The following CLVS1 variants were observed in gnomAD, a reference collection of about 807,000 sequenced individuals.
The protein encoded by CLVS1 is clavesin 1.
CLVS1 carries 10 observed loss-of-function variants against 33.1 expected under a neutral mutation model. The ratio of observed to expected loss-of-function variants is 0.30; its 90% CI spans 0.19 to 0.51. The LOEUF is 0.51. Ranked by LOEUF, CLVS1 falls within the 20% of genes least tolerant of loss-of-function variation. The probability of loss-of-function intolerance (pLI) is 0.97; values close to 1 mark genes in which losing one functional copy is unlikely to be tolerated. For missense variants in CLVS1, 343 were observed against 433.4 expected (o/e 0.79, Z 1.85); for synonymous variants, 163 against 166.1 (o/e 0.98, Z 0.14).
At chr8:61,425,658 A>G (rs540032984) in intron 3 of CLVS1, among the ~76,000 whole-genome samples, 8 of 152,180 alleles carry the variant, frequency 5.3e-5, no homozygotes, top group Admixed American at 2.6e-4. Flanking sequence ...TGGGAAAATT[A>G]TCTTAAAGGC....
At chr8:61,093,190 A>G (rs1327706533) in intron 1 of CLVS1, among the ~76,000 whole-genome samples, 4 of 152,204 alleles carry the variant, frequency 2.6e-5, no homozygotes, top group African/African-American at 9.7e-5. Context: ...TATGATGTAT[A>G]CCAATATAAT....
intron 2 of CLVS1, among the ~76,000 whole-genome samples, chr8:61,232,891 A>C (rs2129312435): frequency 6.6e-6 from 1 of 152,070 alleles, no homozygotes; most frequent in South Asian, 2.1e-4. Context: ...CATCTCTTTA[A>C]CTCCTCATTG....
intron 3 of CLVS1, among the ~76,000 whole-genome samples, chr8:61,452,351 C>T (rs1221976322): frequency 6.6e-6 from 1 of 152,318 alleles, no homozygotes; most frequent in South Asian, 2.1e-4. Context: ...TTATTGGTCC[C>T]ATTAAAAAGA....
chr8:61,376,237 C>T (rs1454861587), intron 2 of CLVS1, among the ~76,000 whole-genome samples: 11 of 152,256 alleles, frequency 7.2e-5, no homozygotes, highest in South Asian at 2.1e-4. Context: ...ATGATTATGG[C>T]GCAATCCCTA....
intron 1 of CLVS1, among the ~76,000 whole-genome samples, chr8:61,070,382 G>A (rs1210229719): frequency 6.6e-6 from 1 of 152,238 alleles, no homozygotes; most frequent in East Asian, 1.9e-4. Flanking sequence ...GTGATTTTAT[G>A]AAAGTTATCC....
chr8:61,049,241 T>C, the CLVS1 span, among the ~76,000 whole-genome samples: 1 of 152,194 alleles, frequency 6.6e-6, no homozygotes, highest in Non-Finnish European at 1.5e-5. Flanking sequence ...TTTCACAGGC[T>C]GGAGCTTGTC....
At chr8:61,258,554 G>T (rs1809133636) in intron 2 of CLVS1, among the ~76,000 whole-genome samples, 1 of 152,192 alleles carries the variant, frequency 6.6e-6, no homozygotes. Flanking sequence ...CAAAGTGCAA[G>T]TTAGTTGCAC....
chr8:61,401,526 A>T (rs1259298663), intron 3 of CLVS1, among the ~76,000 whole-genome samples: 1 of 152,170 alleles, frequency 6.6e-6, no homozygotes, highest in African/African-American at 2.4e-5. Context: ...CTTCAAGGTG[A>T]ACTACAAACC....
the CLVS1 span, among the ~76,000 whole-genome samples, chr8:61,026,582 A>G: frequency 4.6e-5 from 7 of 152,222 alleles, no homozygotes; most frequent in Non-Finnish European, 8.8e-5. Context: ...GGAAGATTCC[A>G]GCCTGGCCCT....
At chr8:61,436,787 G>A (rs1353155348) in intron 3 of CLVS1, among the ~76,000 whole-genome samples, 2 of 152,138 alleles carry the variant, frequency 1.3e-5, no homozygotes, top group Non-Finnish European at 2.9e-5. Flanking sequence ...CTCCTGTAGG[G>A]GTGCAGGAAA....
chr8:61,364,760 A>C (rs1255555947), intron 2 of CLVS1, among the ~76,000 whole-genome samples: 2 of 152,232 alleles, frequency 1.3e-5, no homozygotes, highest in African/African-American at 2.4e-5. Flanking sequence ...TTGGTTGTAA[A>C]AGCATGTTAT....
intron 1 of CLVS1, among the ~76,000 whole-genome samples, chr8:61,126,627 A>G (rs550549474): frequency 2.5e-4 from 38 of 152,228 alleles, no homozygotes; most frequent in Non-Finnish European, 4.9e-4. Flanking sequence ...CAGAAACCCA[A>G]CTCAAACTAC....
chr8:61,163,870 G>T (rs951570019), intron 2 of CLVS1, among the ~76,000 whole-genome samples: 2 of 152,298 alleles, frequency 1.3e-5, no homozygotes, highest in African/African-American at 4.8e-5. Flanking sequence ...TGGCGTGTCT[G>T]CCATGGCGGC....
chr8:60,984,808 G>A, the CLVS1 span, among the ~76,000 whole-genome samples: 1 of 152,138 alleles, frequency 6.6e-6, no homozygotes, highest in South Asian at 2.1e-4. Context: ...TGAGGAAATG[G>A]TGGCTTCAGA....
chr8:61,457,765 A>C (rs1817219670), intron 4 of CLVS1, among the ~76,000 whole-genome samples: 1 of 152,200 alleles, frequency 6.6e-6, no homozygotes, highest in Admixed American at 6.5e-5. Flanking sequence ...TATCAGAAAA[A>C]CAAACAAACA....
chr8:61,323,784 G>T (rs1278802811), intron 2 of CLVS1, among the ~76,000 whole-genome samples: 5 of 151,980 alleles, frequency 3.3e-5, no homozygotes, highest in Admixed American at 3.3e-4. Flanking sequence ...CCATTAGTCA[G>T]TTTTCTGGCC....
intron 5 of CLVS1, among the ~76,000 whole-genome samples, chr8:61,460,248 T>A (rs1284318615): frequency 1.3e-5 from 2 of 152,170 alleles, no homozygotes. Context: ...AATATAAACT[T>A]ATATAGCTCA....
chr8:61,260,868 G>A (rs768610914), intron 2 of CLVS1, among the ~76,000 whole-genome samples: 2 of 152,150 alleles, frequency 1.3e-5, no homozygotes, highest in Non-Finnish European at 2.9e-5. Flanking sequence ...AAGTTGTAAT[G>A]GTGTTCAGAA....
At chr8:61,471,968 C>T (rs940582843) in intron 5 of CLVS1, among the ~76,000 whole-genome samples, 1 of 152,238 alleles carries the variant, frequency 6.6e-6, no homozygotes, top group Non-Finnish European at 1.5e-5. Flanking sequence ...CACTGGCTTC[C>T]ATCCACTCCT....
Sources: allele counts gnomAD v4.1 joint callset (sites outside exome capture counted in the v4.1 genomes callset), GRCh38; gene constraint gnomAD v4.1.1; transcripts MANE v1.5; gene names NCBI Gene and HGNC (gene_info 2026-07-23, HGNC 2026-07-21).